Variants in EXOSC4 observed in about 807,000 individuals in gnomAD.
EXOSC4 encodes the protein exosome complex component RRP41.
Under a neutral mutation model 20.0 loss-of-function variants are expected in EXOSC4, and 14 were observed. The observed-to-expected ratio is 0.70, with a 90% CI of 0.46 to 1.09. The LOEUF (loss-of-function observed/expected upper bound fraction) is 1.09. Among genes scored for constraint, EXOSC4 ranks in the 50% least tolerant of loss-of-function variants. The pLI, the probability that EXOSC4 is intolerant of heterozygous loss-of-function variation, is 0.00. For synonymous variants in EXOSC4, 148 were observed against 146.4 expected (o/e 1.01, Z -0.08); for missense variants, 337 against 334.0 (o/e 1.01, Z -0.07).
chr8:144,070,146 T>A, the EXOSC4 span, among the ~76,000 whole-genome samples: 1 of 152,188 alleles, frequency 6.6e-6, no homozygotes, highest in South Asian at 2.1e-4. Context: ...GGTCCCGGTG[T>A]GGGTTCAAAC....
At chr8:144,073,728 G>A (rs1182641555), upstream of EXOSC4, among the ~76,000 whole-genome samples, 1 of 152,114 alleles carries the variant, frequency 6.6e-6, no homozygotes, top group Non-Finnish European at 1.5e-5. Context: ...GCACACGCCT[G>A]TAATCCCAGC....
the EXOSC4 span, among the ~76,000 whole-genome samples, chr8:144,070,523 C>CAA: frequency 0.012 from 1,108 of 93,046 alleles, 15 homozygotes; most frequent in South Asian, 0.034. Flanking sequence ...AACTCCATCT[C>CAA]AAAAAAAAAA....
upstream of EXOSC4, chr8:144,078,569 C>T: frequency 4.2e-6 from 3 of 719,996 alleles, no homozygotes; most frequent in South Asian, 3.2e-5. The surrounding 1 kb of genome is among the most constrained non-coding windows in gnomAD (Gnocchi z 4.7). Context: ...AACCGCAGAT[C>T]CACGGAGGTC....
chr8:144,069,847 C>G, the EXOSC4 span, among the ~76,000 whole-genome samples: 1 of 152,332 alleles, frequency 6.6e-6, no homozygotes, highest in East Asian at 1.9e-4. Context: ...GGGGGTTCCC[C>G]CAAGGGAGTG....
chr8:144,071,970 ATGT>A, the EXOSC4 span, among the ~76,000 whole-genome samples: 2 of 152,120 alleles, frequency 1.3e-5, no homozygotes, highest in African/African-American at 2.4e-5. Context: ...ACAGAGTGAG[ATGT>A]TGTCTCAGAA....
upstream of EXOSC4, chr8:144,078,518 C>G (rs1431262711): frequency 4.5e-6 from 2 of 445,906 alleles, no homozygotes; most frequent in African/African-American, 2.0e-5. This position sits in a 1 kb window ranked among gnomAD's most constrained non-coding sequence, Gnocchi z 4.7. Context: ...CCGCGGTGAA[C>G]TCCAGTTCAC....
chr8:144,080,236 C>G lies in EXOSC4; in HGVS notation c.379-6C>G, dbSNP rs782717037. 6.2e-7 allele frequency: 1 copy of G among 1,612,286 alleles called. No individual in the cohort carries two copies. ...CTGATAGACTGACACCCTGGGTTCC[C>G]TGCAGGTGCTACAGGCAGATGGTGG... On this transcript the variant is annotated splice_polypyrimidine_tract_variant and splice_region_variant and intron_variant, in intron 2 of 2. Transcript: ENST00000316052. This position sits in a 1 kb window ranked among gnomAD's most constrained non-coding sequence, Gnocchi z 4.9.
At chr8:144,067,735 C>T in the EXOSC4 span, among the ~76,000 whole-genome samples, 4 of 152,242 alleles carry the variant, frequency 2.6e-5, no homozygotes, top group African/African-American at 9.6e-5. Flanking sequence ...TGGCCGGGCA[C>T]AGTGGCACAC....
the EXOSC4 span, among the ~76,000 whole-genome samples, chr8:144,066,210 A>G: frequency 6.7e-6 from 1 of 150,282 alleles, no homozygotes; most frequent in South Asian, 2.1e-4. Context: ...TAGTAGAGAC[A>G]GGGTTTCACC....
chr8:144,073,759 G>A (rs1279573009), upstream of EXOSC4, among the ~76,000 whole-genome samples: 4 of 152,082 alleles, frequency 2.6e-5, no homozygotes, highest in African/African-American at 9.7e-5. Context: ...GCTGAGACAT[G>A]AGAATCGCTT....
chr8:144,072,971 A>G, the EXOSC4 span, among the ~76,000 whole-genome samples: 1 of 152,222 alleles, frequency 6.6e-6, no homozygotes, highest in African/African-American at 2.4e-5. Flanking sequence ...CTTTGCAGGC[A>G]AAGATGTCAA....
At chr8:144,068,073 G>A in the EXOSC4 span, among the ~76,000 whole-genome samples, 1 of 152,238 alleles carries the variant, frequency 6.6e-6, no homozygotes, top group African/African-American at 2.4e-5. Flanking sequence ...ATTTGACGCT[G>A]GAAGCCTGAA....
the EXOSC4 span, among the ~76,000 whole-genome samples, chr8:144,064,943 G>A: frequency 0.026 from 3,885 of 149,130 alleles, 70 homozygotes; most frequent in Non-Finnish European, 0.038. Context: ...CCAGGTTCAC[G>A]CCATTCTCCT....
upstream of EXOSC4, among the ~76,000 whole-genome samples, chr8:144,074,110 G>A (rs781799535): frequency 6.6e-6 from 1 of 152,210 alleles, no homozygotes; most frequent in Non-Finnish European, 1.5e-5. Context: ...TCAGTTCCAG[G>A]ATCCTCAGTC....
chr8:144,078,881 G>A lies in EXOSC4; in HGVS notation c.153G>A (p.Val51=). ...IEQGNTKALA[V]VYGPHEIRGS... is the part of the protein sequence containing the mutation. ...AGGGCAACACCAAGGCACTGGCTGTGGTCTACGGCCCGCACGAGGCGAGTG... is the reference window on the plus strand; with the variant it reads ...AGGGCAACACCAAGGCACTGGCTGTAGTCTACGGCCCGCACGAGGCGAGTG... The change falls in exon 1 of 3, where the codon GTG becomes GTA. Residue 51 remains valine (V), a synonymous_variant. Coordinates refer to ENST00000316052, the MANE Select transcript of EXOSC4 (RefSeq NM_019037.3). The surrounding 1 kb of genome is among the most constrained non-coding windows in gnomAD (Gnocchi z 4.7). 6.6e-7 allele frequency: 1 copy of A among 1,512,152 alleles called. No individual in the cohort carries two copies. The highest frequency in any genetic ancestry group is 8.9e-7 in the Non-Finnish European group (1 of 1,129,034). The allele number at this position is 1,512,152 out of a possible 1,614,324, so 93.7% of individuals were successfully genotyped here. A position where few individuals can be genotyped will look rare whatever the true frequency, so the allele number is the denominator to read the frequency against.
chr8:144,078,856 A>C lies in EXOSC4; in HGVS notation c.128A>C (p.Gln43Pro). The change falls in exon 1 of 3, where the codon CAG (glutamine) becomes CCG (proline). Residue 43 changes from glutamine to proline, a missense_variant. Coordinates refer to ENST00000316052, the MANE Select transcript of EXOSC4 (RefSeq NM_019037.3). This position sits in a 1 kb window ranked among gnomAD's most constrained non-coding sequence, Gnocchi z 4.7. ...GCTGACGGCTCGGCCTACATTGAGC[A>C]GGGCAACACCAAGGCACTGGCTGTG... is the stretch of plus-strand genomic sequence containing the variant. ...AQADGSAYIE[Q>P]GNTKALAVVY... 2.0e-5 allele frequency: 31 copies of C among 1,556,826 alleles called. No individual in the cohort carries two copies. Among genetic ancestry groups the C allele is most frequent in the Non-Finnish European group, 2.7e-5 (31 of 1,152,394 alleles).
At chr8:144,077,656 C>T (rs114834214), upstream of EXOSC4, among the ~76,000 whole-genome samples, 8,104 of 152,298 alleles carry the variant, frequency 0.053, 773 homozygotes, top group African/African-American at 0.18. Flanking sequence ...GTCTGACTGC[C>T]TTGACCCACA....
chr8:144,073,342 C>T, the EXOSC4 span, among the ~76,000 whole-genome samples: 3 of 152,026 alleles, frequency 2.0e-5, no homozygotes, highest in African/African-American at 7.2e-5. Flanking sequence ...GTCAAGATCG[C>T]ACCACTGCAC....
chr8:144,065,270 C>T, the EXOSC4 span, among the ~76,000 whole-genome samples: 1 of 152,162 alleles, frequency 6.6e-6, no homozygotes, highest in Non-Finnish European at 1.5e-5. Flanking sequence ...CTAGTTTCCA[C>T]TTGCTGATTT....
Sources: gnomAD v4.1 joint callset for allele counts (sites outside exome capture counted in the v4.1 genomes callset) on GRCh38, gnomAD v4.1.1 for gene constraint, Gnocchi (gnomAD v3.1) non-coding constraint, MANE v1.5 for transcripts, NCBI Gene and HGNC (gene_info 2026-07-23, HGNC 2026-07-21) for gene names.